The following MUC5AC variants were observed in gnomAD, a reference collection of about 807,000 sequenced individuals.
The protein encoded by MUC5AC is mucin-5AC.
Under a neutral mutation model 169.7 loss-of-function variants are expected in MUC5AC, and 158 were observed. That is an observed-to-expected ratio of 0.93 (90% CI 0.82 to 1.06). The LOEUF (loss-of-function observed/expected upper bound fraction) is 1.06, where lower values mean the gene tolerates loss of function less well. Ranked by LOEUF, MUC5AC falls within the 50% of genes least tolerant of loss-of-function variation. The pLI is 0.00. For missense variants in MUC5AC, 4,359 were observed against 3,089.9 expected (o/e 1.41, Z -9.74); for synonymous variants, 1,975 against 1,237.0 (o/e 1.60, Z -12.52).
chr11:1,179,651 C>G (rs1172767287), intron 26 of MUC5AC, among the ~76,000 whole-genome samples: 4 of 107,574 alleles, frequency 3.7e-5, no homozygotes, highest in African/African-American at 1.3e-4. Flanking sequence ...CGGAGGGGTC[C>G]CTGGCATGGT....
At position 1,186,028 on chromosome 11, in the gene MUC5AC, G is replaced by A. The variant is rs1460642562; in HGVS notation, c.7883G>A (p.Arg2628Lys). The A allele has an allele frequency of 2.3e-4, 137 of 594,158 alleles. 1 individual carries two copies. Among genetic ancestry groups the A allele is most frequent in the South Asian group, 1.7e-3 (99 of 57,210 alleles). 36.8% of individuals were successfully genotyped at this position (594,158 alleles called of 1,614,324 possible). Residue 2628 changes from arginine to lysine, a missense_variant, in exon 31 of 49, where the codon AGA (arginine) becomes AAA (lysine). Transcript: ENST00000621226. Reference sequence around the variant, plus strand: ...ACAACCTCTGCCACTACAACCAGCAGAATCTCTGGTCCTGAAACTACTCCC... The same window carrying A: ...ACAACCTCTGCCACTACAACCAGCAAAATCTCTGGTCCTGAAACTACTCCC... ...SSTTSATTTSRISGPETTPSP... is the reference protein window; with the variant it reads ...SSTTSATTTSKISGPETTPSP...
intron 40 of MUC5AC, 107 bp downstream of exon 40, chr11:1,197,015 G>A (rs1315392734): frequency 1.5e-6 from 1 of 677,930 alleles, no homozygotes; most frequent in Non-Finnish European, 2.7e-6. Flanking sequence ...CAGGGGTCGG[G>A]GTGTCCTCTC....
At chr11:1,171,407 T>A (rs2133735643) in intron 15 of MUC5AC, among the ~76,000 whole-genome samples, 1 of 90,276 alleles carries the variant, frequency 1.1e-5, no homozygotes, top group East Asian at 3.8e-4. Context: ...ATTCATCCAC[T>A]CACTCACCTC....
rs764001015 is a variant in MUC5AC at position 1,196,848 on chromosome 11, C to T, written c.15830-29C>T. ...TCGCCCCTATTGTGGTGGCTGACCCCCAGTAACCTCAGATCTCTCTCCTTC... is the reference window on the plus strand; with the variant it reads ...TCGCCCCTATTGTGGTGGCTGACCCTCAGTAACCTCAGATCTCTCTCCTTC... On this transcript the variant is annotated intron_variant, in intron 39 of 48. Transcript: ENST00000621226. The T allele has an allele frequency of 6.6e-6, 5 of 760,720 alleles. No homozygotes were observed. In the African/African-American group the frequency reaches 6.8e-5, roughly 10 times the overall value. The allele number at this position is 760,720 out of a possible 1,614,324, so 47.1% of individuals were successfully genotyped here. A position where few individuals can be genotyped will look rare whatever the true frequency, so the allele number is the denominator to read the frequency against.
At chr11:1,165,877 C>A in intron 11 of MUC5AC, 117 bp downstream of exon 11, 1 of 1,449,948 alleles carries the variant, frequency 6.9e-7, no homozygotes, top group Non-Finnish European at 9.4e-7. Flanking sequence ...CCTTGGGGGT[C>A]CCCGATGTTG....
intron 19 of MUC5AC, 84 bp downstream of exon 19, chr11:1,175,354 C>T (rs1860644403): frequency 1.0e-5 from 4 of 398,372 alleles, no homozygotes; most frequent in Non-Finnish European, 1.8e-5. Flanking sequence ...GGGTTAGCCC[C>T]ACCACAAGTC....
At position 1,168,605 on chromosome 11, in the gene MUC5AC, C is replaced by T. The variant is rs1243021729; in HGVS notation, c.1568-37C>T. 4.3e-6 allele frequency: 7 copies of T among 1,612,154 alleles called. No homozygotes were observed. The East Asian group carries it at 1.6e-4, about 36-fold the overall frequency. The stretch of plus-strand genomic sequence containing the variant: ...CGGGGCTGCCTGGGGTCCCGCCCCA[C>T]AGCCCCCAGCAAAACCCTTGTCCTT... On this transcript the variant is annotated intron_variant, in intron 13 of 48. Coordinates refer to ENST00000621226, the MANE Select transcript of MUC5AC (RefSeq NM_001304359.2).
In MUC5AC at chr11:1,188,953, G is replaced by T; in HGVS notation, c.10808G>T (p.Gly3603Val). 1 of 721,440 alleles carries T rather than the reference G, an allele frequency of 1.4e-6. No individual in the cohort carries two copies. The highest frequency in any genetic ancestry group is 2.4e-5 in the East Asian group (1 of 40,904). The allele number at this position is 721,440 out of a possible 1,614,324, so 44.7% of individuals were successfully genotyped here. The change falls in exon 31 of 49, where the codon GGA becomes GTA. Residue 3603 changes from glycine (G) to valine (V), a missense_variant. Coordinates refer to ENST00000621226, the MANE Select transcript of MUC5AC (RefSeq NM_001304359.2). The stretch of plus-strand genomic sequence containing the variant: ...GTGTGCCGGAACCAGGACCAGCAGG[G>T]ACCCTTCAAGATGTGCCTCAACTAC... ...GLVCRNQDQQGPFKMCLNYEV... is the reference protein window; with the variant it reads ...GLVCRNQDQQVPFKMCLNYEV...
In MUC5AC at chr11:1,186,240, A is replaced by G. The variant is rs1860941584; in HGVS notation, c.8095A>G (p.Thr2699Ala). ...TTSTTSGPGT[T>A]PSPVPTTSTT... ...CAGCACAACCTCTGGTCCTGGAACT[A>G]CTCCCAGCCCTGTTCCCACCACCAG... Residue 2699 changes from threonine to alanine, a missense_variant, in exon 31 of 49, where the codon ACT becomes GCT. Thr to Ala is a moderately conservative substitution (Grantham distance 58). Coordinates refer to ENST00000621226, the MANE Select transcript of MUC5AC (RefSeq NM_001304359.2). 1 of 750,288 alleles carries G rather than the reference A, an allele frequency of 1.3e-6. No individual in the cohort carries two copies. Among genetic ancestry groups the G allele is most frequent in the Non-Finnish European group, 2.4e-6 (1 of 410,668 alleles). The allele number at this position is 750,288 out of a possible 1,614,324, so 46.5% of individuals were successfully genotyped here. A position where few individuals can be genotyped will look rare whatever the true frequency, so the allele number is the denominator to read the frequency against.
Position 1,186,095 on chromosome 11 carries a change from T to G in MUC5AC, c.7950T>G (p.Thr2650=). The G allele has an allele frequency of 1.6e-6, 1 of 618,214 alleles. No homozygotes were observed. The highest frequency in any genetic ancestry group is 2.9e-6 in the Non-Finnish European group (1 of 344,450). 38.3% of individuals were successfully genotyped at this position (618,214 alleles called of 1,614,324 possible). The change falls in exon 31 of 49, where the codon ACT becomes ACG. Residue 2650 remains threonine, a synonymous_variant. Transcript: ENST00000621226. ...PTASTTSAST[T]STTSGPGTTP... ...CCAGCACAACCTCTGCTTCTACAAC[T>G]AGCACAACCTCTGGTCCTGGAACTA...
At position 1,192,933 on chromosome 11, in the gene MUC5AC, C is replaced by G. The variant is rs553644016; in HGVS notation, c.14531C>G (p.Ser4844Cys). Residue 4844 changes from serine to cysteine, a missense_variant, in exon 32 of 49, where the codon TCC becomes TGC. Physicochemically the swap from Ser to Cys is moderately radical, Grantham distance 112 (BLOSUM62 -1). Coordinates refer to ENST00000621226, the MANE Select transcript of MUC5AC (RefSeq NM_001304359.2). Reference sequence around the variant, plus strand: ...GCCACGTCCCCTTCAATATCCACCTCCGAGCCCGTCACTGAGCTGGGATGC... The same window carrying G: ...GCCACGTCCCCTTCAATATCCACCTGCGAGCCCGTCACTGAGCTGGGATGC... ...APATSPSISTSEPVTELGCPN... is the reference protein window; with the variant it reads ...APATSPSISTCEPVTELGCPN... The G allele has an allele frequency of 1.3e-6, 1 of 754,664 alleles. No individual in the cohort carries two copies. Among genetic ancestry groups the G allele is most frequent in the Non-Finnish European group, 2.4e-6 (1 of 412,720 alleles). The allele number at this position is 754,664 out of a possible 1,614,324, so 46.7% of individuals were successfully genotyped here. A position where few individuals can be genotyped will look rare whatever the true frequency, so the allele number is the denominator to read the frequency against.
rs765525538 is a variant in MUC5AC, at chr11:1,199,093, G to A, written c.16303G>A (p.Glu5435Lys). 3.9e-6 allele frequency: 3 copies of A among 764,482 alleles called. No individual in the cohort carries two copies. The highest frequency in any genetic ancestry group is 1.3e-5 in the South Asian group (1 of 74,510). The allele number at this position is 764,482 out of a possible 1,614,324, so 47.4% of individuals were successfully genotyped here. The change falls in exon 45 of 49, where the codon GAG becomes AAG. Residue 5435 changes from glutamate to lysine, a missense_variant. Glu to Lys is a moderately conservative substitution (Grantham distance 56). Transcript: ENST00000621226. ...ATGTCCATCCCTCCCGCAGGGCTTC[G>A]AGTACCAGGAGCAGAGCGGGCAGTG... ...ICNTHCPVGF[E>K]YQEQSGQCCG... is the part of the protein sequence containing the mutation.
chr11:1,162,203 G>A (rs764071552), intron 4 of MUC5AC, 35 bp downstream of exon 4: 9 of 1,596,912 alleles, frequency 5.6e-6, no homozygotes, highest in Non-Finnish European at 7.7e-6. Flanking sequence ...GGGGCCACGC[G>A]GCGTGTGGGG....
In MUC5AC at chr11:1,197,533, C is replaced by T. The variant is rs1463084038; in HGVS notation, c.15927C>T (p.Thr5309=). The change falls in exon 41 of 49, where the codon ACC becomes ACT. Residue 5309 remains threonine (T), a synonymous_variant. Transcript: ENST00000621226. ...GTGAGGCGGCCACGTGGACGCTGAC[C>T]TGCCGACCCAAGCTCTGCCCGCTGC... ...CTCEAATWTL[T]CRPKLCPLPP... The T allele has an allele frequency of 1.4e-6, 1 of 716,800 alleles. No homozygotes were observed. The highest frequency in any genetic ancestry group is 1.7e-5 in the African/African-American group (1 of 57,940). The allele number at this position is 716,800 out of a possible 1,614,324, so 44.4% of individuals were successfully genotyped here. A position where few individuals can be genotyped will look rare whatever the true frequency, so the allele number is the denominator to read the frequency against.
rs1180654154 is a variant in MUC5AC at position 1,167,903 on chromosome 11, A to C, written c.1413A>C (p.Val471=). ...CCTGTGACAGCAGTGCCTTCACTGT[A>C]CTGGCTGAGCTGCGCAGGTGCGGGC... is the stretch of plus-strand genomic sequence containing the variant. ...TKPCDSSAFT[V]LAELRRCGLT... Residue 471 remains valine, a synonymous_variant, in exon 12 of 49, where the codon GTA becomes GTC. Transcript: ENST00000621226. The C allele has an allele frequency of 1.8e-5, 28 of 1,550,328 alleles. No homozygotes were observed. The South Asian group carries it at 3.2e-4, about 18-fold the overall frequency.
At position 1,164,184 on chromosome 11, in the gene MUC5AC, G is replaced by C; in HGVS notation, c.868G>C (p.Ala290Pro). 1.2e-6 allele frequency: 2 copies of C among 1,612,562 alleles called. No individual in the cohort carries two copies. The highest frequency in any genetic ancestry group is 2.7e-5 in the African/African-American group (2 of 75,052). Residue 290 changes from alanine to proline, a missense_variant, in exon 8 of 49, where the codon GCT becomes CCT. By Grantham distance (27) the Ala-to-Pro change is conservative. Coordinates refer to ENST00000621226, the MANE Select transcript of MUC5AC (RefSeq NM_001304359.2). Reference sequence around the variant, plus strand: ...GGTGGACGTCGGCAGCTACCTGGAGGCTTGCAGGCAAGACCTCTGCTTCTG... The same window carrying C: ...GGTGGACGTCGGCAGCTACCTGGAGCCTTGCAGGCAAGACCTCTGCTTCTG... ...ALVDVGSYLE[A>P]CRQDLCFCED...
At position 1,184,462 on chromosome 11, in the gene MUC5AC, G is replaced by A. The variant is rs1280227502; in HGVS notation, c.6317G>A (p.Gly2106Asp). The part of the protein sequence containing the change: ...GGPTATSVTQ[G>D]THTTPVTRNC... The stretch of plus-strand genomic sequence containing the variant: ...CCCACAGCAACCAGCGTCACACAGG[G>A]CACCCACACCACACCAGTCACCAGA... The change falls in exon 31 of 49, where the codon GGC becomes GAC. Residue 2106 changes from glycine to aspartate, a missense_variant. Gly to Asp is a moderately conservative substitution (Grantham distance 94, BLOSUM62 -1). Transcript: ENST00000621226. The A allele has an allele frequency of 1.4e-4, 84 of 607,902 alleles. No homozygotes were observed. The African/African-American group carries it at 1.5e-3, about 11-fold the overall frequency. 37.7% of individuals were successfully genotyped at this position (607,902 alleles called of 1,614,324 possible). A position where few individuals can be genotyped will look rare whatever the true frequency, so the allele number is the denominator to read the frequency against.
chr11:1,177,163 C>G (rs1238291710), intron 22 of MUC5AC, 68 bp from the exon 23 acceptor site: 1 of 398,626 alleles, frequency 2.5e-6, no homozygotes. Context: ...CAGGTTGTCC[C>G]CGCCTCATCC....
intron 15 of MUC5AC, among the ~76,000 whole-genome samples, chr11:1,172,022 G>C (rs943114762): frequency 6.6e-6 from 1 of 152,198 alleles, no homozygotes; most frequent in African/African-American, 2.4e-5. Context: ...GGCGCCAGCC[G>C]TGGGGAGGTG....
Sources: gnomAD v4.1 joint callset for allele counts (sites outside exome capture counted in the v4.1 genomes callset) on GRCh38, gnomAD v4.1.1 for gene constraint, MANE v1.5 for transcripts, NCBI Gene and HGNC (gene_info 2026-07-23, HGNC 2026-07-21) for gene names.